RAB22A: variants seen among roughly 807,000 people sequenced by gnomAD.
RAB22A encodes ras-related protein Rab-22A.
RAB22A carries 13 observed loss-of-function variants against 30.2 expected under a neutral mutation model. The ratio of observed to expected loss-of-function variants is 0.43; its 90% CI spans 0.28 to 0.68. The LOEUF (loss-of-function observed/expected upper bound fraction) is 0.68. RAB22A is among the 30% of genes least tolerant of loss of function. The probability of loss-of-function intolerance (pLI) is 0.18; values close to 1 mark genes in which losing one functional copy is unlikely to be tolerated. For synonymous variants in RAB22A, 89 were observed against 87.2 expected (o/e 1.02, Z -0.11); for missense variants, 177 against 246.8 (o/e 0.72, Z 1.89).
At chr20:58,336,379 C>T (rs1328320216) in intron 2 of RAB22A, among the ~76,000 whole-genome samples, 1 of 152,122 alleles carries the variant, frequency 6.6e-6, no homozygotes, top group Non-Finnish European at 1.5e-5. Context: ...CACTTCCCTT[C>T]GTCTTGTCTG....
At position 58,358,895 on chromosome 20, in the gene RAB22A, C is replaced by CA. The variant is rs1181619167; in HGVS notation, c.488-694dup. Among the ~76,000 whole-genome samples the CA allele has an allele frequency of 4.1e-3, 381 of 92,200 alleles. 1 individual carries two copies. Among genetic ancestry groups the CA allele is most frequent in the Admixed American group, 8.0e-3 (67 of 8,334 alleles). The allele number at this position is 92,200 out of a possible 152,430, so 60.5% of individuals were successfully genotyped here. A position where few individuals can be genotyped will look rare whatever the true frequency, so the allele number is the denominator to read the frequency against. On this transcript the variant is annotated intron_variant, in intron 6 of 6. Transcript: ENST00000244040. Reference sequence around the variant, plus strand: ...AGGTGACAGAGCCGATAGCCTGTCTCAAAAAAAAAAAAAAAAAGGTGACGG... The same window carrying CA: ...AGGTGACAGAGCCGATAGCCTGTCTCAAAAAAAAAAAAAAAAAAGGTGACGG...
At chr20:58,357,769 T>C (rs1987156180) in intron 6 of RAB22A, among the ~76,000 whole-genome samples, 1 of 152,194 alleles carries the variant, frequency 6.6e-6, no homozygotes, top group Admixed American at 6.5e-5. Context: ...TGGGAGATAC[T>C]TTCTCAATGT....
chr20:58,353,288 C>G lies in RAB22A; in HGVS notation c.214C>G (p.Pro72Ala). 6.2e-7 allele frequency: 1 copy of G among 1,614,052 alleles called. No individual in the cohort carries two copies. The highest frequency in any genetic ancestry group is 8.5e-7 in the Non-Finnish European group (1 of 1,179,976). ...TCCTCTGCAGTTTCGTGCCTTAGCA[C>G]CAATGTACTATCGAGGGTCGGCTGC... ...AGQERFRALA[P>A]MYYRGSAAAI... Residue 72 changes from proline (P) to alanine (A), a missense_variant, in exon 4 of 7, where the codon CCA (proline) becomes GCA (alanine). By Grantham distance (27) the Pro-to-Ala change is conservative. Transcript: ENST00000244040.
chr20:58,349,317 C>G (rs6026209), intron 3 of RAB22A, among the ~76,000 whole-genome samples: 8,238 of 152,252 alleles, frequency 0.054, 270 homozygotes, highest in Middle Eastern at 0.099. Context: ...TTTCCCAGTT[C>G]GAGTGGCACA....
At chr20:58,311,659 CTT>C (rs368613921) in intron 2 of RAB22A, among the ~76,000 whole-genome samples, 1 of 152,108 alleles carries the variant, frequency 6.6e-6, no homozygotes, top group African/African-American at 2.4e-5. Context: ...TATAAGAAAA[CTT>C]TTCATTTTGC....
At chr20:58,347,823 T>C (rs1986977587) in intron 3 of RAB22A, among the ~76,000 whole-genome samples, 1 of 152,356 alleles carries the variant, frequency 6.6e-6, no homozygotes, top group South Asian at 2.1e-4. Context: ...CAAAGACTCC[T>C]GCAGTAGCAT....
rs532278159 is a variant in RAB22A at position 58,339,748 on chromosome 20, G to A, written c.117-3970G>A. Among the ~76,000 whole-genome samples the A allele has an allele frequency of 1.6e-4, 24 of 152,246 alleles. No individual in the cohort carries two copies. In the South Asian group the frequency reaches 2.3e-3, roughly 14 times the overall value. On this transcript the variant is annotated intron_variant, in intron 2 of 6. Transcript: ENST00000244040. ...TTTGTGGGGGTAGAGTGGAAATAAC[G>A]CCCTATTTTCACCATGTTGGGCAGG...
chr20:58,364,553 C>CGA lies in RAB22A; in HGVS notation c.*4850_*4851insGA, dbSNP rs1987282131. On this transcript the variant is annotated 3_prime_UTR_variant, in exon 7 of 7. Coordinates refer to ENST00000244040, the MANE Select transcript of RAB22A (RefSeq NM_020673.3). ...TATGGTGAAATTAAAACCGTGGTGT[C>CGA]TAACAGATTTAACAAAAAGTGTTTA... is the stretch of plus-strand genomic sequence containing the variant. 6.6e-6 allele frequency: 1 copy of CGA among 152,042 alleles called. No individual in the cohort carries two copies. Among genetic ancestry groups the CGA allele is most frequent in the South Asian group, 2.1e-4 (1 of 4,834 alleles). The allele number at this position is 152,042 out of a possible 1,614,324, so 9.4% of individuals were successfully genotyped here. A position where few individuals can be genotyped will look rare whatever the true frequency, so the allele number is the denominator to read the frequency against.
At chr20:58,332,693 G>C (rs1011396695) in intron 2 of RAB22A, among the ~76,000 whole-genome samples, 2 of 152,142 alleles carry the variant, frequency 1.3e-5, no homozygotes, top group African/African-American at 4.8e-5. Flanking sequence ...TAATTCAAGA[G>C]ATAAAAGGTA....
At chr20:58,314,381 A>G (rs1375885255) in intron 2 of RAB22A, among the ~76,000 whole-genome samples, 3 of 152,118 alleles carry the variant, frequency 2.0e-5, no homozygotes, top group Non-Finnish European at 4.4e-5. Context: ...GATTTATTCA[A>G]CCCTTTTCTG....
chr20:58,314,489 T>C (rs1726503019), intron 2 of RAB22A, among the ~76,000 whole-genome samples: 1 of 152,166 alleles, frequency 6.6e-6, no homozygotes, highest in African/African-American at 2.4e-5. Flanking sequence ...TCAGTAAAGG[T>C]GTGAAGCACC....
At chr20:58,336,057 T>C (rs528847101) in intron 2 of RAB22A, among the ~76,000 whole-genome samples, 1 of 152,010 alleles carries the variant, frequency 6.6e-6, no homozygotes, top group Non-Finnish European at 1.5e-5. Context: ...TCGCCCAGGG[T>C]GGAGTGCAGT....
chr20:58,339,661 G>A (rs181958992), intron 2 of RAB22A, among the ~76,000 whole-genome samples: 16 of 152,278 alleles, frequency 1.1e-4, no homozygotes, highest in Non-Finnish European at 1.5e-4. Context: ...TGCAGACTTC[G>A]TTTCTGTTCT....
intron 2 of RAB22A, among the ~76,000 whole-genome samples, chr20:58,340,180 C>A (rs1275021978): frequency 6.6e-6 from 1 of 152,172 alleles, no homozygotes; most frequent in Non-Finnish European, 1.5e-5. Context: ...GAAAGAGACA[C>A]CCCCTCCTTC....
chr20:58,318,195 A>C (rs1986381743), intron 2 of RAB22A, among the ~76,000 whole-genome samples: 1 of 152,238 alleles, frequency 6.6e-6, no homozygotes, highest in Non-Finnish European at 1.5e-5. Flanking sequence ...AAATCTTTTT[A>C]AAATTTTAAA....
At chr20:58,318,434 A>G (rs748815871) in intron 2 of RAB22A, among the ~76,000 whole-genome samples, 1 of 152,228 alleles carries the variant, frequency 6.6e-6, no homozygotes, top group Non-Finnish European at 1.5e-5. Context: ...TTTTTGAGCA[A>G]CAGTATGACA....
intron 3 of RAB22A, among the ~76,000 whole-genome samples, chr20:58,351,322 C>CGA (rs1344034536): frequency 5.8e-4 from 86 of 148,378 alleles, no homozygotes; most frequent in African/African-American, 2.1e-3. Flanking sequence ...GGTGACAGAG[C>CGA]GAGACTCTGT....
At chr20:58,346,723 T>C (rs547158472) in intron 3 of RAB22A, among the ~76,000 whole-genome samples, 6 of 152,366 alleles carry the variant, frequency 3.9e-5, no homozygotes, top group African/African-American at 1.4e-4. Context: ...CACAGTGTCT[T>C]GTTCACTGCT....
chr20:58,367,088 A>G lies in RAB22A; in HGVS notation c.*7385A>G, dbSNP rs1321310446. The G allele has an allele frequency of 1.3e-5, 2 of 152,634 alleles. No individual in the cohort carries two copies. Among genetic ancestry groups the G allele is most frequent in the African/African-American group, 4.8e-5 (2 of 41,464 alleles). 9.5% of individuals were successfully genotyped at this position (152,634 alleles called of 1,614,324 possible). Reference sequence around the variant, plus strand: ...GTTTTGGCCGCTTTGTAGCACTATTATAAACAGCCCAAATTTATGGCCTTG... The same window carrying G: ...GTTTTGGCCGCTTTGTAGCACTATTGTAAACAGCCCAAATTTATGGCCTTG... On this transcript the variant is annotated 3_prime_UTR_variant, in exon 7 of 7. Transcript: ENST00000244040.
Sources: gnomAD v4.1 joint callset for allele counts (sites outside exome capture counted in the v4.1 genomes callset) on GRCh38, gnomAD v4.1.1 for gene constraint, MANE v1.5 for transcripts, NCBI Gene and HGNC (gene_info 2026-07-23, HGNC 2026-07-21) for gene names.